The following GSN variants were observed in gnomAD, a reference collection of about 807,000 sequenced individuals.
GSN encodes the protein actin-depolymerizing factor.
GSN carries 56 observed loss-of-function variants against 85.7 expected under a neutral mutation model. The observed-to-expected ratio is 0.65, with a 90% CI of 0.53 to 0.82. The LOEUF is 0.82. Among genes scored for constraint, GSN ranks in the 40% least tolerant of loss-of-function variants. The probability of loss-of-function intolerance (pLI) is 0.00; values close to 1 mark genes in which losing one functional copy is unlikely to be tolerated. For synonymous variants in GSN, 373 were observed against 399.1 expected, an observed-to-expected ratio of 0.93 and a Z score of 0.78; for missense variants, 857 against 979.8, an observed-to-expected ratio of 0.87 and a Z score of 1.67.
intron 1 of GSN, among the ~76,000 whole-genome samples, chr9:121,273,615 A>ATT: frequency 6.6e-6 from 1 of 151,100 alleles, no homozygotes; most frequent in Non-Finnish European, 1.5e-5. Context: ...TTTTCAGTGC[A>ATT]TTTTTTTTTA....
intron 8 of GSN, 84 bp downstream of exon 8, chr9:121,317,302 G>A (rs1238280818): frequency 1.2e-5 from 18 of 1,463,170 alleles, no homozygotes; most frequent in Non-Finnish European, 9.6e-7. Flanking sequence ...TCAGCTCCCG[G>A]GGAGTGTGGA....
At chr9:121,203,913 G>A (rs574854662), upstream of GSN, among the ~76,000 whole-genome samples, 1 of 152,290 alleles carries the variant, frequency 6.6e-6, no homozygotes, top group South Asian at 2.1e-4. Flanking sequence ...TAGAGGTCTA[G>A]GCTTCTATTT....
chr9:121,327,285 T>G, intron 13 of GSN, 23 bp from the exon 14 acceptor site: 2 of 1,608,254 alleles, frequency 1.2e-6, no homozygotes, highest in Non-Finnish European at 1.7e-6. Flanking sequence ...TGGTTCCTGA[T>G]TAACCAAGCT....
intron 4 of GSN, among the ~76,000 whole-genome samples, chr9:121,225,946 C>A (rs1226070488): frequency 6.6e-6 from 1 of 152,090 alleles, no homozygotes; most frequent in East Asian, 1.9e-4. Flanking sequence ...CTGGGACTAC[C>A]AGCACCTGCC....
intron 2 of GSN, among the ~76,000 whole-genome samples, chr9:121,300,973 C>T (rs2059782596): frequency 6.6e-6 from 1 of 152,194 alleles, no homozygotes; most frequent in Non-Finnish European, 1.5e-5. Context: ...TGCTGTCTGC[C>T]AGGCCCCGTG....
chr9:121,282,800 C>T (rs2057551856), intron 2 of GSN: 2 of 384,566 alleles, frequency 5.2e-6, no homozygotes, highest in Non-Finnish European at 4.8e-6. Flanking sequence ...AATCTGTCAA[C>T]AAAAAGAATG....
chr9:121,238,803 T>A (rs2054546299), intron 5 of GSN: 1 of 521,164 alleles, frequency 1.9e-6, no homozygotes. Flanking sequence ...AAATTCCAAG[T>A]CAAGAAGATC....
chr9:121,310,821 C>T lies in GSN; in HGVS notation c.489C>T (p.Asp163=), dbSNP rs761131048. Residue 163 remains aspartate, a synonymous_variant, in exon 5 of 18, where the codon GAC becomes GAT. Transcript: ENST00000432226. ...CCTGGGAGAGCTTCAACAATGGCGA[C>T]TGCTTCATCCTGGACCTGGGCAACG... ...PVSWESFNNG[D]CFILDLGNNI... The T allele has an allele frequency of 3.9e-5, 63 of 1,614,038 alleles. No homozygotes were observed. Among genetic ancestry groups the T allele is most frequent in the Admixed American group, 5.0e-5 (3 of 60,010 alleles).
At chr9:121,278,755 G>C (rs1358718055) in intron 1 of GSN, among the ~76,000 whole-genome samples, 1 of 152,248 alleles carries the variant, frequency 6.6e-6, no homozygotes, top group African/African-American at 2.4e-5. Flanking sequence ...TTGTTTTTAA[G>C]CTGCTGCAGC....
intron 4 of GSN, among the ~76,000 whole-genome samples, chr9:121,220,336 C>G (rs1160716100): frequency 6.7e-6 from 1 of 150,202 alleles, no homozygotes; most frequent in Non-Finnish European, 1.5e-5. Flanking sequence ...TGGGGAACTC[C>G]CCTAGCCCAC....
At chr9:121,303,124 A>T in intron 4 of GSN, 59 bp downstream of exon 4, 1 of 1,528,512 alleles carries the variant, frequency 6.5e-7, no homozygotes, top group African/African-American at 1.4e-5. Flanking sequence ...AACAGGGCTC[A>T]CTCAGGCCCA....
Position 121,299,824 on chromosome 9 carries a change from C to A in GSN, c.-9-2139C>A. 2 of 1,317,342 alleles carry A rather than the reference C, an allele frequency of 1.5e-6. No individual in the cohort carries two copies. The highest frequency in any genetic ancestry group is 3.2e-5 in the Admixed American group (1 of 31,246). 81.6% of individuals were successfully genotyped at this position (1,317,342 alleles called of 1,614,324 possible). A position where few individuals can be genotyped will look rare whatever the true frequency, so the allele number is the denominator to read the frequency against. ...CTACTTAAGGTCGGCGACCCGAGGCCGCGGCTGCCGACTGGGTCCCCTGCC... is the reference window on the plus strand; with the variant it reads ...CTACTTAAGGTCGGCGACCCGAGGCAGCGGCTGCCGACTGGGTCCCCTGCC... On this transcript the variant is annotated intron_variant, in intron 2 of 17. Transcript: ENST00000432226. The surrounding 1 kb of genome is among the most constrained non-coding windows in gnomAD (Gnocchi z 4.2).
chr9:121,258,464 G>GA lies in GSN; in HGVS notation c.-340-6676dup, dbSNP rs11283976. On this transcript the variant is annotated intron_variant, in intron 6 of 24. Transcript: ENST00000373823. ...GGCGACAGAGTGAGACTCCTTATCA[G>GA]AAAAAAAAAAAAAACTATATTGAAG... is the stretch of plus-strand genomic sequence containing the variant. Among the ~76,000 whole-genome samples, 456 of 145,088 alleles carry GA rather than the reference G, an allele frequency of 3.1e-3. 2 individuals are homozygous for GA. Among genetic ancestry groups the GA allele is most frequent in the African/African-American group, 8.1e-3 (321 of 39,510 alleles).
intron 4 of GSN, among the ~76,000 whole-genome samples, chr9:121,305,886 G>A (rs2060362065): frequency 6.6e-6 from 1 of 152,240 alleles, no homozygotes; most frequent in African/African-American, 2.4e-5. Flanking sequence ...GAGGAGCAGG[G>A]CTTGTTATGC....
intron 4 of GSN, among the ~76,000 whole-genome samples, chr9:121,308,035 G>T (rs1354294402): frequency 6.6e-6 from 1 of 152,220 alleles, no homozygotes; most frequent in Non-Finnish European, 1.5e-5. Context: ...CCTTCCTGAT[G>T]ATGGAAAAAT....
intron 4 of GSN, among the ~76,000 whole-genome samples, chr9:121,228,412 A>ATG: frequency 1.6e-5 from 1 of 60,804 alleles, no homozygotes; most frequent in African/African-American, 1.0e-4. Flanking sequence ...ACATATATAT[A>ATG]TATATATATA....
At position 121,302,111 on chromosome 9, in the gene GSN, T is replaced by G. The variant is rs1409351649; in HGVS notation, c.140T>G (p.Leu47Arg). 6.2e-7 allele frequency: 1 copy of G among 1,614,214 alleles called. No individual in the cohort carries two copies. Among genetic ancestry groups the G allele is most frequent in the Admixed American group, 1.7e-5 (1 of 60,034 alleles). Reference protein sequence around the residue: ...DFFTGDAYVILKTVQLRNGNL... With the variant: ...DFFTGDAYVIRKTVQLRNGNL... ...TTCACGGGCGACGCCTACGTCATCC[T>G]GAAGACAGTGCAGCTGAGGAACGGA... The change falls in exon 3 of 18, where the codon CTG becomes CGG. Residue 47 changes from leucine (L) to arginine (R), a missense_variant. Physicochemically the swap from Leu to Arg is moderately radical, Grantham distance 102 (BLOSUM62 -2). Transcript: ENST00000432226.
the GSN span, chr9:121,201,624 G>A: frequency 6.6e-6 from 1 of 152,526 alleles, no homozygotes; most frequent in Non-Finnish European, 1.5e-5. Context: ...GGACACTACG[G>A]AAGGCCCGGG....
intron 14 of GSN, 50 bp from the exon 15 acceptor site, chr9:121,328,839 GGA>G: frequency 1.3e-6 from 2 of 1,596,726 alleles, no homozygotes; most frequent in Non-Finnish European, 8.5e-7. Context: ...CGATGAGATG[GGA>G]GAGAGGGGTG....
Sources: allele counts gnomAD v4.1 joint callset (sites outside exome capture counted in the v4.1 genomes callset), GRCh38; gene constraint gnomAD v4.1.1; non-coding constraint Gnocchi (gnomAD v3.1); transcripts MANE v1.5; gene names NCBI Gene and HGNC (gene_info 2026-07-23, HGNC 2026-07-21).